The following UMAD1 variants were observed in gnomAD, a reference collection of about 807,000 sequenced individuals.
UMAD1 encodes the protein UBAP1-MVB12-associated (UMA)-domain containing protein 1.
In UMAD1, 8 loss-of-function variants were observed where a neutral mutation model predicts 6.1. The ratio of observed to expected loss-of-function variants is 1.30; its 90% CI spans 0.76 to 2.35. The LOEUF (loss-of-function observed/expected upper bound fraction) is 2.35. Ranked by LOEUF, UMAD1 falls within the 30% of genes most tolerant of loss-of-function variation. The pLI, the probability that UMAD1 is intolerant of heterozygous loss-of-function variation, is 0.00. For missense variants in UMAD1, 130 were observed against 78.4 expected (o/e 1.66, Z -2.49); for synonymous variants, 56 against 31.4 (o/e 1.78, Z -2.61).
At chr7:7,651,227 A>C (rs548019200) in intron 1 of UMAD1, among the ~76,000 whole-genome samples, 2 of 152,350 alleles carry the variant, frequency 1.3e-5, no homozygotes, top group East Asian at 3.9e-4. Flanking sequence ...AAGGACAAGG[A>C]TCTACAAATC....
chr7:7,744,180 ATAGG>A (rs1422932258), intron 2 of UMAD1, among the ~76,000 whole-genome samples: 3 of 152,154 alleles, frequency 2.0e-5, no homozygotes, highest in Non-Finnish European at 4.4e-5. Context: ...AAATTTTAAA[ATAGG>A]TAGGTTTTTG....
chr7:7,742,557 C>T (rs1000118328), intron 2 of UMAD1: 1 of 518,958 alleles, frequency 1.9e-6, no homozygotes, highest in Non-Finnish European at 3.8e-6. Context: ...TCGCTTTCGG[C>T]GCCATCTTGT....
At chr7:7,704,078 A>G (rs1780533621) in intron 2 of UMAD1, among the ~76,000 whole-genome samples, 1 of 152,204 alleles carries the variant, frequency 6.6e-6, no homozygotes, top group Non-Finnish European at 1.5e-5. Flanking sequence ...TCCTTTTCCA[A>G]CTAAGTATCT....
chr7:7,827,133 ATATATATATATATATG>A (rs1266203516), intron 3 of UMAD1, among the ~76,000 whole-genome samples: 79 of 89,248 alleles, frequency 8.9e-4, no homozygotes, highest in African/African-American at 2.8e-3. Context: ...ATATATATAT[ATATATATATATATATG>A]TGTGTGTGTG....
intron 2 of UMAD1, among the ~76,000 whole-genome samples, chr7:7,801,399 A>G (rs554175579): frequency 6.6e-6 from 1 of 152,330 alleles, no homozygotes; most frequent in South Asian, 2.1e-4. Flanking sequence ...TGATTTATAA[A>G]ATATGAATTT....
chr7:7,803,498 T>C (rs1474128456), intron 3 of UMAD1, among the ~76,000 whole-genome samples: 1 of 152,190 alleles, frequency 6.6e-6, no homozygotes, highest in East Asian at 1.9e-4. Flanking sequence ...ATGTTTGGGA[T>C]TTGGGAGATA....
intron 2 of UMAD1, among the ~76,000 whole-genome samples, chr7:7,678,064 C>G (rs542934616): frequency 6.6e-6 from 1 of 152,156 alleles, no homozygotes; most frequent in African/African-American, 2.4e-5. Flanking sequence ...ATGTGGACGT[C>G]TCTTTGATAT....
intron 2 of UMAD1, among the ~76,000 whole-genome samples, chr7:7,709,417 C>G (rs1321376936): frequency 6.6e-6 from 1 of 152,186 alleles, no homozygotes; most frequent in Non-Finnish European, 1.5e-5. Context: ...CTGGAGAGGT[C>G]AGATGTTGGT....
intron 2 of UMAD1, among the ~76,000 whole-genome samples, chr7:7,714,251 A>G (rs996210185): frequency 6.6e-5 from 10 of 152,234 alleles, no homozygotes; most frequent in African/African-American, 2.4e-4. Context: ...ATTGACCAGC[A>G]TTTCCAACTT....
intron 3 of UMAD1, among the ~76,000 whole-genome samples, chr7:7,872,168 A>G (rs1233136343): frequency 6.6e-6 from 1 of 152,252 alleles, no homozygotes; most frequent in African/African-American, 2.4e-5. Flanking sequence ...GCATACCTCG[A>G]AGATATTTCG....
At chr7:7,817,251 A>G (rs1485957248) in intron 3 of UMAD1, among the ~76,000 whole-genome samples, 1 of 152,068 alleles carries the variant, frequency 6.6e-6, no homozygotes, top group African/African-American at 2.4e-5. Context: ...GTCCCTTAAC[A>G]CCTTGTACAT....
At chr7:7,702,145 A>C (rs1378135277) in intron 2 of UMAD1, among the ~76,000 whole-genome samples, 1 of 152,216 alleles carries the variant, frequency 6.6e-6, no homozygotes, top group Non-Finnish European at 1.5e-5. Context: ...TTGTGATTGC[A>C]AGGAGGATTT....
Position 7,830,475 on chromosome 7 carries a change from C to G in UMAD1, c.156+28732C>G, listed in dbSNP as rs1179137306. Among the ~76,000 whole-genome samples the G allele has an allele frequency of 6.6e-6, 1 of 152,012 alleles. No homozygotes were observed. Among genetic ancestry groups the G allele is most frequent in the Admixed American group, 6.6e-5 (1 of 15,254 alleles). ...TAAAAAATTATATGTTTTGGTTTCT[C>G]TCTTTTGTATCTTTCTCTTTCTTTT... On this transcript the variant is annotated intron_variant, in intron 3 of 3. Coordinates refer to ENST00000682710, the MANE Select transcript of UMAD1 (RefSeq NM_001302348.2). This position sits in a 1 kb window ranked among gnomAD's most constrained non-coding sequence, Gnocchi z 5.3.
intron 2 of UMAD1, among the ~76,000 whole-genome samples, chr7:7,716,818 C>T (rs997361490): frequency 2.6e-5 from 4 of 152,034 alleles, no homozygotes; most frequent in African/African-American, 7.2e-5. Flanking sequence ...TGGTGGCGGG[C>T]GCCCATAATC....
chr7:7,765,391 A>G (rs1781965523), intron 2 of UMAD1, among the ~76,000 whole-genome samples: 1 of 152,204 alleles, frequency 6.6e-6, no homozygotes, highest in South Asian at 2.1e-4. Flanking sequence ...TGACTTGTAA[A>G]AAGTTCTAAT....
chr7:7,778,290 G>GCGAC (rs1782267115), intron 2 of UMAD1, among the ~76,000 whole-genome samples: 1 of 151,076 alleles, frequency 6.6e-6, no homozygotes, highest in African/African-American at 2.4e-5. Flanking sequence ...GAGAGAGAGA[G>GCGAC]AGAGAGACAG....
chr7:7,818,020 G>A (rs926592233), intron 3 of UMAD1, among the ~76,000 whole-genome samples: 14 of 152,142 alleles, frequency 9.2e-5, no homozygotes, highest in Admixed American at 1.3e-4. Flanking sequence ...TACATGCACA[G>A]GATGTGCAGG....
intron 2 of UMAD1, among the ~76,000 whole-genome samples, chr7:7,767,252 G>T (rs1239781761): frequency 6.6e-6 from 1 of 151,542 alleles, no homozygotes; most frequent in Non-Finnish European, 1.5e-5. Flanking sequence ...AGCCTCCTGA[G>T]TAGCTGGGAC....
At chr7:7,713,296 A>T (rs1331104604) in intron 2 of UMAD1, among the ~76,000 whole-genome samples, 1 of 152,042 alleles carries the variant, frequency 6.6e-6, no homozygotes, top group East Asian at 1.9e-4. Flanking sequence ...GTGAGCTGAG[A>T]TTGCGCCACT....
Sources: gnomAD v4.1 joint callset for allele counts (sites outside exome capture counted in the v4.1 genomes callset) on GRCh38, gnomAD v4.1.1 for gene constraint, Gnocchi (gnomAD v3.1) non-coding constraint, MANE v1.5 for transcripts, NCBI Gene and HGNC (gene_info 2026-07-23, HGNC 2026-07-21) for gene names.